KCNMB2: variants seen among roughly 807,000 people sequenced by gnomAD.
KCNMB2 encodes the protein potassium calcium-activated channel subfamily M regulatory beta subunit 2, also known as calcium-activated potassium channel subunit beta-2.
Under a neutral mutation model 24.5 loss-of-function variants are expected in KCNMB2, and 9 were observed. The ratio of observed to expected loss-of-function variants is 0.37; its 90% CI spans 0.22 to 0.64. The LOEUF is 0.64. KCNMB2 is among the 30% of genes least tolerant of loss of function. The pLI is 0.63. For missense variants in KCNMB2, 226 were observed against 284.3 expected (o/e 0.79, Z 1.47); for synonymous variants, 109 against 104.4 (o/e 1.04, Z -0.27).
chr3:178,785,824 T>C (rs896299055), intron 1 of KCNMB2, among the ~76,000 whole-genome samples: 2 of 152,202 alleles, frequency 1.3e-5, no homozygotes, highest in East Asian at 1.9e-4. Flanking sequence ...TATTCATTTG[T>C]ATACATATAA....
chr3:178,785,647 C>T (rs1713072042), intron 1 of KCNMB2, among the ~76,000 whole-genome samples: 1 of 152,018 alleles, frequency 6.6e-6, no homozygotes, highest in Admixed American at 6.6e-5. Context: ...TGTGATTCTG[C>T]TACAATTCTG....
chr3:178,640,820 G>C (rs1719697475), intron 1 of KCNMB2, among the ~76,000 whole-genome samples: 1 of 152,068 alleles, frequency 6.6e-6, no homozygotes, highest in Non-Finnish European at 1.5e-5. Context: ...AAGTTTTGTA[G>C]TTTTGCATTA....
At chr3:178,622,181 T>C (rs565489372) in intron 1 of KCNMB2, among the ~76,000 whole-genome samples, 3 of 152,228 alleles carry the variant, frequency 2.0e-5, no homozygotes, top group Non-Finnish European at 4.4e-5. Flanking sequence ...TGCCTTCTCA[T>C]GTATTCTGTG....
intron 1 of KCNMB2, among the ~76,000 whole-genome samples, chr3:178,667,154 A>G (rs1720748110): frequency 6.6e-6 from 1 of 152,082 alleles, no homozygotes; most frequent in Non-Finnish European, 1.5e-5. Context: ...CGAAAGAAGT[A>G]ACTAAGTTAA....
At chr3:178,705,623 G>T (rs1436655701) in intron 1 of KCNMB2, among the ~76,000 whole-genome samples, 1 of 152,056 alleles carries the variant, frequency 6.6e-6, no homozygotes, top group African/African-American at 2.4e-5. Context: ...CTCCAGAAGG[G>T]TTATGATGTT....
chr3:178,726,084 T>G (rs1267036366), intron 1 of KCNMB2, among the ~76,000 whole-genome samples: 1 of 151,906 alleles, frequency 6.6e-6, no homozygotes. Context: ...TTTAATTATC[T>G]CAGTGAATAA....
intron 1 of KCNMB2, among the ~76,000 whole-genome samples, chr3:178,785,014 G>T (rs1351941978): frequency 1.3e-5 from 2 of 151,818 alleles, no homozygotes; most frequent in African/African-American, 4.8e-5. Flanking sequence ...CCTTCAGTCA[G>T]GCTAATGCTC....
At chr3:178,692,972 G>A (rs1408399131) in intron 1 of KCNMB2, among the ~76,000 whole-genome samples, 1 of 152,138 alleles carries the variant, frequency 6.6e-6, no homozygotes, top group African/African-American at 2.4e-5. Context: ...CACCTCCCTA[G>A]TTAGGTGTAT....
At chr3:178,671,816 C>T (rs1372480624) in intron 1 of KCNMB2, among the ~76,000 whole-genome samples, 1 of 152,106 alleles carries the variant, frequency 6.6e-6, no homozygotes, top group Non-Finnish European at 1.5e-5. Context: ...TCTATGTGCT[C>T]TAGCTTAATC....
rs1206053772 is a variant in KCNMB2 at position 178,843,566 on chromosome 3, A to G, written c.*629A>G. 5.6e-6 allele frequency: 1 copy of G among 177,044 alleles called. No homozygotes were observed. The highest frequency in any genetic ancestry group is 1.2e-5 in the Non-Finnish European group (1 of 83,122). The allele number at this position is 177,044 out of a possible 1,614,324, so 11.0% of individuals were successfully genotyped here. On this transcript the variant is annotated 3_prime_UTR_variant, in exon 5 of 5. Transcript: ENST00000452583. ...TAAGCTGTTTTCATTAGCCAGTTCT[A>G]TAATATCTTCCTGTGATTTATGTAG...
intron 1 of KCNMB2, among the ~76,000 whole-genome samples, chr3:178,725,651 T>C (rs942152580): frequency 2.0e-5 from 3 of 152,070 alleles, no homozygotes; most frequent in Non-Finnish European, 2.9e-5. Flanking sequence ...AGTTTGTTTT[T>C]CCCCAGAATA....
intron 1 of KCNMB2, among the ~76,000 whole-genome samples, chr3:178,746,442 A>ACTGT (rs1723671152): frequency 6.6e-6 from 1 of 152,118 alleles, no homozygotes. Context: ...TGCCTGTGAC[A>ACTGT]AAAGGGGCTG....
intron 1 of KCNMB2, among the ~76,000 whole-genome samples, chr3:178,565,914 CAG>C (rs1444544557): frequency 2.0e-5 from 3 of 152,064 alleles, no homozygotes; most frequent in South Asian, 2.1e-4. Flanking sequence ...AACAAGGTAA[CAG>C]AGAGTAAAAC....
chr3:178,677,746 T>C (rs1368482902), intron 1 of KCNMB2, among the ~76,000 whole-genome samples: 1 of 152,150 alleles, frequency 6.6e-6, no homozygotes, highest in East Asian at 1.9e-4. Context: ...CTGGGAAGCA[T>C]AGCCTCTAAC....
intron 1 of KCNMB2, among the ~76,000 whole-genome samples, chr3:178,574,414 T>C (rs1282747196): frequency 6.6e-6 from 1 of 152,254 alleles, no homozygotes; most frequent in East Asian, 1.9e-4. Flanking sequence ...AAGTATTTCT[T>C]CATGTTCAAC....
chr3:178,633,017 C>T (rs1719377839), intron 1 of KCNMB2, among the ~76,000 whole-genome samples: 1 of 152,200 alleles, frequency 6.6e-6, no homozygotes, highest in Non-Finnish European at 1.5e-5. Context: ...AAAATGATCC[C>T]CTTTGACTCC....
intron 1 of KCNMB2, among the ~76,000 whole-genome samples, chr3:178,782,869 G>A (rs1156583658): frequency 6.6e-5 from 10 of 151,560 alleles, no homozygotes; most frequent in African/African-American, 2.4e-4. Flanking sequence ...CCTTGCCCAT[G>A]CCTATGTCCT....
chr3:178,722,436 C>T (rs758239960), intron 1 of KCNMB2, among the ~76,000 whole-genome samples: 2 of 152,124 alleles, frequency 1.3e-5, no homozygotes, highest in Non-Finnish European at 2.9e-5. Flanking sequence ...GCTGCATCAT[C>T]CCATGGTGGA....
At chr3:178,604,388 C>G (rs1352821755) in intron 1 of KCNMB2, among the ~76,000 whole-genome samples, 1 of 111,278 alleles carries the variant, frequency 9.0e-6, no homozygotes, top group Non-Finnish European at 1.7e-5. Flanking sequence ...CTGAAAGAAG[C>G]AATTGAAGTG....
Sources: allele counts gnomAD v4.1 joint callset (sites outside exome capture counted in the v4.1 genomes callset), GRCh38; gene constraint gnomAD v4.1.1; transcripts MANE v1.5; gene names NCBI Gene and HGNC (gene_info 2026-07-23, HGNC 2026-07-21).